The following AGBL1 variants were observed in gnomAD, a reference collection of about 807,000 sequenced individuals.
The protein encoded by AGBL1 is AGBL carboxypeptidase 1, also known as cytosolic carboxypeptidase 4.
A neutral mutation model predicts 118.9 loss-of-function variants in AGBL1; 130 were observed. The ratio of observed to expected loss-of-function variants is 1.09; its 90% CI spans 0.95 to 1.26. The LOEUF (loss-of-function observed/expected upper bound fraction) is 1.26. Ranked by LOEUF, AGBL1 falls within the 50% of genes most tolerant of loss-of-function variation. The pLI, the probability that AGBL1 is intolerant of heterozygous loss-of-function variation, is 0.00. For missense variants in AGBL1, 1,584 were observed against 1,298.1 expected (o/e 1.22, Z -3.38); for synonymous variants, 555 against 478.9 (o/e 1.16, Z -2.08).
intron 23 of AGBL1, among the ~76,000 whole-genome samples, chr15:86,987,053 A>G (rs1379103273): frequency 6.6e-6 from 1 of 152,046 alleles, no homozygotes; most frequent in African/African-American, 2.4e-5. Flanking sequence ...GAGCCAGGAG[A>G]AGGAATTTCA....
At chr15:87,009,196 G>A (rs1307367644) in intron 24 of AGBL1, among the ~76,000 whole-genome samples, 2 of 152,110 alleles carry the variant, frequency 1.3e-5, no homozygotes, top group Non-Finnish European at 2.9e-5. Flanking sequence ...CATGGGCTCA[G>A]TACAGGGTCC....
intron 6 of AGBL1, among the ~76,000 whole-genome samples, chr15:86,230,711 C>T (rs1044287878): frequency 2.0e-5 from 3 of 152,110 alleles, no homozygotes; most frequent in Non-Finnish European, 2.9e-5. Context: ...TTTAAAAATT[C>T]GTTCTTATTA....
At position 86,462,922 on chromosome 15, in the gene AGBL1, T is replaced by C. The variant is rs142588509; in HGVS notation, c.2556-59888T>C. On this transcript the variant is annotated intron_variant, in intron 18 of 22. Coordinates refer to ENST00000614907, the MANE Select transcript of AGBL1 (RefSeq NM_001386094.1). ...AAACATACATGTGCATGTGTATTTA[T>C]AGTAGAATGATTTATAATCCTTTGG... Among the ~76,000 whole-genome samples, 329 of 152,336 alleles carry C rather than the reference T, an allele frequency of 2.2e-3. 3 individuals carry two copies. The highest frequency in any genetic ancestry group is 7.7e-3 in the African/African-American group (321 of 41,582).
chr15:86,928,207 A>G (rs888295084), intron 23 of AGBL1, among the ~76,000 whole-genome samples: 6 of 152,178 alleles, frequency 3.9e-5, no homozygotes, highest in Admixed American at 1.3e-4. Context: ...TGCAAACTCA[A>G]GTAAGGATGC....
chr15:86,638,190 T>C (rs187643413), intron 21 of AGBL1, among the ~76,000 whole-genome samples: 8 of 152,318 alleles, frequency 5.3e-5, no homozygotes, highest in Admixed American at 2.0e-4. Flanking sequence ...ATAGTAGCAG[T>C]TGGTAGCCCA....
At chr15:86,687,948 A>G (rs1386924270) in intron 22 of AGBL1, among the ~76,000 whole-genome samples, 3 of 152,138 alleles carry the variant, frequency 2.0e-5, no homozygotes, top group African/African-American at 7.2e-5. Context: ...TATCCAGTAA[A>G]ATAGTTGTTA....
chr15:86,570,991 GCA>G (rs1427064957), intron 21 of AGBL1, among the ~76,000 whole-genome samples: 4 of 152,188 alleles, frequency 2.6e-5, no homozygotes, highest in Admixed American at 2.6e-4. Flanking sequence ...TCTGGCCGTT[GCA>G]CAGTCAGACA....
At chr15:86,359,438 C>A (rs1235669930) in intron 17 of AGBL1, among the ~76,000 whole-genome samples, 1 of 91,394 alleles carries the variant, frequency 1.1e-5, no homozygotes, top group African/African-American at 4.1e-5. Context: ...GTTTTTGTTA[C>A]TGTAGTTTTG....
At chr15:86,279,108 T>A (rs1031457828) in intron 15 of AGBL1, among the ~76,000 whole-genome samples, 3 of 152,202 alleles carry the variant, frequency 2.0e-5, no homozygotes, top group African/African-American at 7.2e-5. Flanking sequence ...ACATGATGGG[T>A]TGCTGCAATA....
At chr15:86,360,533 C>T (rs2080789409) in intron 17 of AGBL1, among the ~76,000 whole-genome samples, 1 of 151,894 alleles carries the variant, frequency 6.6e-6, no homozygotes, top group Non-Finnish European at 1.5e-5. Context: ...TCTTTGGTAT[C>T]AGAGTGATGC....
At chr15:86,083,999 CTT>C (rs1159156646) in intron 1 of AGBL1, among the ~76,000 whole-genome samples, 1 of 152,160 alleles carries the variant, frequency 6.6e-6, no homozygotes, top group East Asian at 1.9e-4. Flanking sequence ...AAGTTTGAGG[CTT>C]TCTGGGTTTG....
chr15:86,885,621 A>C (rs927777255), intron 22 of AGBL1, among the ~76,000 whole-genome samples: 2 of 152,222 alleles, frequency 1.3e-5, no homozygotes, highest in Non-Finnish European at 2.9e-5. Flanking sequence ...TGACTGTAAT[A>C]TAATTTCATT....
chr15:86,502,457 C>A (rs181234534), intron 18 of AGBL1, among the ~76,000 whole-genome samples: 2 of 151,444 alleles, frequency 1.3e-5, no homozygotes, highest in East Asian at 3.9e-4. Context: ...TGGCTAGGAT[C>A]CACAATACAA....
At chr15:86,967,890 G>T (rs1318179488) in intron 23 of AGBL1, among the ~76,000 whole-genome samples, 1 of 152,026 alleles carries the variant, frequency 6.6e-6, no homozygotes, top group South Asian at 2.1e-4. Flanking sequence ...GATGGGGATG[G>T]CATTGAATGT....
chr15:86,480,889 C>T (rs1567016811), intron 18 of AGBL1, among the ~76,000 whole-genome samples: 1 of 151,918 alleles, frequency 6.6e-6, no homozygotes, highest in Non-Finnish European at 1.5e-5. Flanking sequence ...TGGTTGAAGC[C>T]TAGGAAGTAT....
chr15:86,473,541 AT>A lies in AGBL1; in HGVS notation c.2556-49262del, dbSNP rs879357784. The stretch of plus-strand genomic sequence containing the variant: ...TTTTCTATGTGTATGTAGTGTGTAT[AT>A]TTTTTTCTATTTGTTTTTTTTAAAA... On this transcript the variant is annotated intron_variant, in intron 18 of 22. Coordinates refer to ENST00000614907, the MANE Select transcript of AGBL1 (RefSeq NM_001386094.1). Among the ~76,000 whole-genome samples the A allele has an allele frequency of 1.5e-3, 223 of 151,662 alleles. 3 individuals carry two copies. Among genetic ancestry groups the A allele is most frequent in the Non-Finnish European group, 3.0e-3 (201 of 67,886 alleles).
At chr15:86,411,740 CA>C (rs750414744) in intron 18 of AGBL1, among the ~76,000 whole-genome samples, 23 of 152,058 alleles carry the variant, frequency 1.5e-4, no homozygotes, top group South Asian at 4.1e-4. Context: ...TCTTTTTGGC[CA>C]TTTTTTTTGT....
At chr15:86,202,136 T>C (rs1334381365) in intron 5 of AGBL1, among the ~76,000 whole-genome samples, 1 of 152,020 alleles carries the variant, frequency 6.6e-6, no homozygotes, top group Non-Finnish European at 1.5e-5. Context: ...CTACTAAAAA[T>C]ACAAAAATTA....
At chr15:86,818,838 G>A (rs1163101752) in intron 22 of AGBL1, among the ~76,000 whole-genome samples, 2 of 152,078 alleles carry the variant, frequency 1.3e-5, no homozygotes, top group Non-Finnish European at 2.9e-5. Flanking sequence ...CACTGATAAT[G>A]TTATTTAACA....
Sources: allele counts gnomAD v4.1 joint callset (sites outside exome capture counted in the v4.1 genomes callset), GRCh38; gene constraint gnomAD v4.1.1; transcripts MANE v1.5; gene names NCBI Gene and HGNC (gene_info 2026-07-23, HGNC 2026-07-21).